Variants in SGK3 observed in about 807,000 individuals in gnomAD.
The protein encoded by SGK3 is serum/glucocorticoid regulated kinase family member 3.
SGK3 carries 47 observed loss-of-function variants against 68.5 expected under a neutral mutation model. The observed-to-expected ratio is 0.69, with a 90% confidence interval of 0.54 to 0.87. SGK3 has a LOEUF of 0.87. Among genes scored for constraint, SGK3 ranks in the 40% least tolerant of loss-of-function variants. The pLI, the probability that SGK3 is intolerant of heterozygous loss-of-function variation, is 0.00. For missense variants in SGK3, 479 were observed against 575.5 expected (o/e 0.83, Z 1.72); for synonymous variants, 181 against 189.1 (o/e 0.96, Z 0.35).
chr8:66,859,121 A>C (rs956772522), intron 16 of SGK3, among the ~76,000 whole-genome samples: 27 of 152,264 alleles, frequency 1.8e-4, no homozygotes, highest in Admixed American at 2.6e-4. Context: ...TCACAAGGTC[A>C]GGAGTTCGAG....
intron 8 of SGK3, among the ~76,000 whole-genome samples, chr8:66,832,288 G>A (rs1287520711): frequency 5.9e-5 from 9 of 152,108 alleles, no homozygotes; most frequent in African/African-American, 9.7e-5. Flanking sequence ...CAGAATCATC[G>A]AATATATTTA....
intron 1 of SGK3, among the ~76,000 whole-genome samples, chr8:66,742,565 C>T (rs547411278): frequency 1.4e-3 from 213 of 152,246 alleles, no homozygotes; most frequent in Non-Finnish European, 2.1e-3. Flanking sequence ...TGAGGTCTCA[C>T]TGTGTTGCCC....
chr8:66,857,191 C>T lies in SGK3; in HGVS notation c.1321-2220C>T, dbSNP rs539480507. Among the ~76,000 whole-genome samples the T allele has an allele frequency of 4.5e-4, 69 of 152,278 alleles. 1 individual carries two copies. The highest frequency in any genetic ancestry group is 2.9e-3 in the South Asian group (14 of 4,822). On this transcript the variant is annotated intron_variant, in intron 16 of 16. Coordinates refer to ENST00000521198, the MANE Select transcript of SGK3 (RefSeq NM_001033578.3). The stretch of plus-strand genomic sequence containing the variant: ...TTTGATGAGGAAAAAACCATACATA[C>T]GTACATACATACATACATATAAAAC...
intron 1 of SGK3, among the ~76,000 whole-genome samples, chr8:66,717,506 C>A (rs910645832): frequency 3.3e-5 from 5 of 151,928 alleles, no homozygotes; most frequent in Admixed American, 6.6e-5. Flanking sequence ...CCAGACTGGG[C>A]AACAGAGTGA....
At chr8:66,752,017 G>A (rs946882156) in intron 1 of SGK3, among the ~76,000 whole-genome samples, 3 of 152,004 alleles carry the variant, frequency 2.0e-5, no homozygotes, top group South Asian at 2.1e-4. Context: ...CGCCCACCTC[G>A]GCCTCCCAAA....
chr8:66,826,598 C>A (rs1809065389), intron 6 of SGK3, among the ~76,000 whole-genome samples: 1 of 151,786 alleles, frequency 6.6e-6, no homozygotes, highest in Non-Finnish European at 1.5e-5. Flanking sequence ...ATTGTAACTA[C>A]AACACTGGTG....
At chr8:66,789,423 A>G (rs1396586085) in intron 1 of SGK3, among the ~76,000 whole-genome samples, 1 of 152,192 alleles carries the variant, frequency 6.6e-6, no homozygotes, top group Non-Finnish European at 1.5e-5. Flanking sequence ...TTCTCCCATT[A>G]TAGCTTTTAT....
chr8:66,782,960 T>G (rs1807051956), intron 1 of SGK3, among the ~76,000 whole-genome samples: 1 of 152,252 alleles, frequency 6.6e-6, no homozygotes, highest in South Asian at 2.1e-4. Flanking sequence ...GGTTTTTGTG[T>G]GCACGTAGTT....
rs749867052 is a variant in SGK3, at chr8:66,804,337, A to C, written c.181-38A>C. On this transcript the variant is annotated intron_variant, in intron 3 of 16. Transcript: ENST00000521198. ...ATGTGTGCATAACTAGAAGACTTATAAAATTAGTTCATATAATGTTATTTT... is the reference window on the plus strand; with the variant it reads ...ATGTGTGCATAACTAGAAGACTTATCAAATTAGTTCATATAATGTTATTTT... 2.2e-5 allele frequency: 34 copies of C among 1,553,674 alleles called. No individual in the cohort carries two copies. In the African/African-American group the frequency reaches 3.9e-4, roughly 18 times the overall value.
intron 13 of SGK3, among the ~76,000 whole-genome samples, chr8:66,841,995 C>T (rs1256378292): frequency 1.3e-5 from 2 of 152,000 alleles, no homozygotes; most frequent in African/African-American, 2.4e-5. Flanking sequence ...ATGTTGAAAA[C>T]GTGTGAGAGA....
intron 1 of SGK3, among the ~76,000 whole-genome samples, chr8:66,781,528 T>C (rs1398139224): frequency 6.6e-6 from 1 of 152,176 alleles, no homozygotes; most frequent in African/African-American, 2.4e-5. Context: ...TTAGCAGTTT[T>C]ATCCCAGTGT....
intron 1 of SGK3, among the ~76,000 whole-genome samples, chr8:66,780,963 T>G (rs1806950306): frequency 6.6e-6 from 1 of 152,108 alleles, no homozygotes; most frequent in Admixed American, 6.5e-5. Flanking sequence ...TTTGTCTTTG[T>G]GGGTTTTGTT....
intron 1 of SGK3, among the ~76,000 whole-genome samples, chr8:66,763,997 G>A (rs892623379): frequency 1.3e-5 from 2 of 151,976 alleles, no homozygotes; most frequent in Non-Finnish European, 1.5e-5. Flanking sequence ...TCAGCCTCCC[G>A]AGTAGCTGGA....
chr8:66,805,567 G>T (rs1012863501), intron 4 of SGK3, among the ~76,000 whole-genome samples: 4 of 151,390 alleles, frequency 2.6e-5, no homozygotes, highest in Non-Finnish European at 5.9e-5. Flanking sequence ...GCTTACCCTT[G>T]GGGAACCCAT....
At chr8:66,763,073 A>G (rs1806219524) in intron 1 of SGK3, among the ~76,000 whole-genome samples, 1 of 152,384 alleles carries the variant, frequency 6.6e-6, no homozygotes, top group Non-Finnish European at 1.5e-5. Context: ...AAATGGCAGC[A>G]TTCTGCCTTT....
chr8:66,714,986 C>T (rs1305471690), intron 1 of SGK3, among the ~76,000 whole-genome samples: 5 of 152,162 alleles, frequency 3.3e-5, no homozygotes, highest in Admixed American at 2.6e-4. Flanking sequence ...AAACATGTCT[C>T]TCAAAATACC....
intron 2 of SGK3, among the ~76,000 whole-genome samples, chr8:66,796,615 C>T (rs1046963868): frequency 6.6e-6 from 1 of 152,016 alleles, no homozygotes; most frequent in African/African-American, 2.4e-5. Context: ...TATTTTTATA[C>T]TCTAGTTTTC....
chr8:66,805,316 G>A (rs1290077650), intron 4 of SGK3, among the ~76,000 whole-genome samples: 1 of 151,784 alleles, frequency 6.6e-6, no homozygotes, highest in Non-Finnish European at 1.5e-5. Flanking sequence ...TCAGGAGATC[G>A]AGACCATCCT....
At chr8:66,729,669 A>G (rs772172813) in intron 1 of SGK3, among the ~76,000 whole-genome samples, 7 of 151,852 alleles carry the variant, frequency 4.6e-5, no homozygotes, top group Non-Finnish European at 8.8e-5. Flanking sequence ...TCATATGGTA[A>G]CTCTTGTTTA....
Sources: gnomAD v4.1 joint callset for allele counts (sites outside exome capture counted in the v4.1 genomes callset) on GRCh38, gnomAD v4.1.1 for gene constraint, MANE v1.5 for transcripts, NCBI Gene and HGNC (gene_info 2026-07-23, HGNC 2026-07-21) for gene names.